The following TIPIN variants were observed in gnomAD, a reference collection of about 807,000 sequenced individuals.
TIPIN encodes the protein TIMELESS-interacting protein.
A neutral mutation model predicts 35.6 loss-of-function variants in TIPIN; 29 were observed. The observed-to-expected ratio is 0.82, with a 90% CI of 0.61 to 1.11. The LOEUF is 1.11. Among genes scored for constraint, TIPIN ranks in the 50% most tolerant of loss-of-function variants. The pLI is 0.00. For missense variants in TIPIN, 296 were observed against 345.4 expected (o/e 0.86, Z 1.13); for synonymous variants, 102 against 121.5 (o/e 0.84, Z 1.06).
chr15:66,374,722 G>C (rs2093290067), intron 1 of TIPIN, among the ~76,000 whole-genome samples: 1 of 152,130 alleles, frequency 6.6e-6, no homozygotes, highest in Admixed American at 6.6e-5. Flanking sequence ...TGGGATTACA[G>C]GTGCCTGCCA....
chr15:66,369,888 C>T (rs1423046117), intron 1 of TIPIN, among the ~76,000 whole-genome samples: 1 of 152,122 alleles, frequency 6.6e-6, no homozygotes, highest in African/African-American at 2.4e-5. Flanking sequence ...TTTTAAATTT[C>T]CTGCTTGTAA....
chr15:66,376,761 C>A (rs1471489231), intron 1 of TIPIN, among the ~76,000 whole-genome samples: 1 of 151,244 alleles, frequency 6.6e-6, no homozygotes, highest in East Asian at 2.0e-4. Flanking sequence ...AAAAATTATG[C>A]AATGCTGGGT....
intron 1 of TIPIN, among the ~76,000 whole-genome samples, chr15:66,380,687 T>C (rs1172665083): frequency 6.6e-6 from 1 of 151,720 alleles, no homozygotes; most frequent in African/African-American, 2.4e-5. Flanking sequence ...TGGTGGCGGG[T>C]GCCTGTAATG....
At chr15:66,357,871 A>G (rs562208786), upstream of TIPIN, among the ~76,000 whole-genome samples, 5 of 152,066 alleles carry the variant, frequency 3.3e-5, no homozygotes, top group East Asian at 9.7e-4. Flanking sequence ...CAGGAGTATC[A>G]CTTGAACCTG....
At chr15:66,351,443 T>G in intron 4 of TIPIN, 82 bp downstream of exon 4, 1 of 1,021,400 alleles carries the variant, frequency 9.8e-7, no homozygotes, top group Non-Finnish European at 1.5e-6. Context: ...TAAAGCATTC[T>G]GAGATTTCCA....
At chr15:66,346,069 C>T (rs1212163778) in intron 6 of TIPIN, among the ~76,000 whole-genome samples, 1 of 151,878 alleles carries the variant, frequency 6.6e-6, no homozygotes, top group Non-Finnish European at 1.5e-5. Context: ...GCCTTAGCCT[C>T]CCGAGTAACT....
At chr15:66,344,687 C>CAA (rs1198557358) in intron 6 of TIPIN, among the ~76,000 whole-genome samples, 8 of 62,818 alleles carry the variant, frequency 1.3e-4, no homozygotes, top group African/African-American at 2.7e-4. Context: ...CCTTTCTCTA[C>CAA]AAAAAAAAAA....
chr15:66,355,751 A>T (rs1287466064), intron 1 of TIPIN, among the ~76,000 whole-genome samples: 1 of 152,184 alleles, frequency 6.6e-6, no homozygotes, highest in Non-Finnish European at 1.5e-5. Flanking sequence ...ACTCCGTTTC[A>T]AAACAAAAAC....
chr15:66,385,886 G>C (rs1438567231), intron 1 of TIPIN, among the ~76,000 whole-genome samples: 1 of 152,052 alleles, frequency 6.6e-6, no homozygotes, highest in Admixed American at 6.6e-5. Context: ...CTGGGCTCAA[G>C]TGATCCTCCA....
At chr15:66,353,018 T>A (rs2093179125) in intron 1 of TIPIN, 63 bp from the exon 2 acceptor site, 1 of 1,477,264 alleles carries the variant, frequency 6.8e-7, no homozygotes, top group African/African-American at 1.4e-5. Context: ...ATAGACAAGT[T>A]CTACCTGCAG....
intron 1 of TIPIN, among the ~76,000 whole-genome samples, chr15:66,378,178 T>G (rs750580930): frequency 6.6e-6 from 1 of 152,196 alleles, no homozygotes. Flanking sequence ...AATTTTTGTA[T>G]TTTTAGTAGA....
intron 1 of TIPIN, chr15:66,371,056 C>T (rs1452327762): frequency 1.9e-5 from 4 of 208,302 alleles, no homozygotes; most frequent in Non-Finnish European, 3.3e-5. Flanking sequence ...ACTAAAAATA[C>T]AAAAATTAGC....
intron 6 of TIPIN, among the ~76,000 whole-genome samples, chr15:66,347,641 G>A (rs985964234): frequency 5.3e-5 from 8 of 151,994 alleles, no homozygotes; most frequent in Non-Finnish European, 1.0e-4. Flanking sequence ...GGATTGCAAC[G>A]ACGCAATCTC....
chr15:66,346,702 G>GT (rs2093128174), intron 6 of TIPIN, among the ~76,000 whole-genome samples: 1 of 152,092 alleles, frequency 6.6e-6, no homozygotes, highest in Admixed American at 6.6e-5. Context: ...ATTTAGAACT[G>GT]TAATAACTCA....
intron 3 of TIPIN, among the ~76,000 whole-genome samples, 195 bp downstream of exon 3, chr15:66,351,934 C>T (rs1245314196): frequency 6.6e-6 from 1 of 152,062 alleles, no homozygotes; most frequent in Non-Finnish European, 1.5e-5. Flanking sequence ...CTACCACGCC[C>T]AGCCTAATTT....
At chr15:66,373,027 T>C (rs2093283116) in intron 1 of TIPIN, among the ~76,000 whole-genome samples, 1 of 152,232 alleles carries the variant, frequency 6.6e-6, no homozygotes, top group African/African-American at 2.4e-5. Context: ...TATAGGTTTG[T>C]AGCCTAGGAG....
rs116596872 is a variant in TIPIN at position 66,370,407 on chromosome 15, T to C, written c.-9+16200A>G. On this transcript the variant is annotated intron_variant, in intron 1 of 7. Coordinates refer to the TIPIN transcript ENST00000562124. ...ATTAAAAGTGGCTCTCAAAATAACCTAGTGGTTTCATTGCATTCAGAATGT... is the reference window on the plus strand; with the variant it reads ...ATTAAAAGTGGCTCTCAAAATAACCCAGTGGTTTCATTGCATTCAGAATGT... Among the ~76,000 whole-genome samples the C allele has an allele frequency of 2.7e-3, 402 of 151,448 alleles. 2 individuals carry two copies. The highest frequency in any genetic ancestry group is 9.6e-3 in the African/African-American group (394 of 41,190).
At chr15:66,374,225 C>T (rs2093287758) in intron 1 of TIPIN, among the ~76,000 whole-genome samples, 1 of 151,868 alleles carries the variant, frequency 6.6e-6, no homozygotes, top group Non-Finnish European at 1.5e-5. Context: ...AGTATGATCC[C>T]CTCACACTGT....
At chr15:66,369,769 A>G (rs4776783) in intron 1 of TIPIN, among the ~76,000 whole-genome samples, 16,090 of 152,238 alleles carry the variant, frequency 0.11, 1,076 homozygotes, top group Non-Finnish European at 0.15. Context: ...CCTGAGCAAG[A>G]GGGAATTATA....
Sources: allele counts gnomAD v4.1 joint callset (sites outside exome capture counted in the v4.1 genomes callset), GRCh38; gene constraint gnomAD v4.1.1; transcripts MANE v1.5; gene names NCBI Gene and HGNC (gene_info 2026-07-23, HGNC 2026-07-21).